Variants in G3BP2 observed in about 807,000 individuals in gnomAD.
G3BP2 encodes the protein ras GTPase-activating protein-binding protein 2.
G3BP2 carries 11 observed loss-of-function variants against 56.7 expected under a neutral mutation model. The ratio of observed to expected loss-of-function variants is 0.19; its 90% CI spans 0.12 to 0.32. The LOEUF is 0.32. Among genes scored for constraint, G3BP2 ranks in the 10% least tolerant of loss-of-function variants. The pLI is 1.00. For synonymous variants in G3BP2, 165 were observed against 191.6 expected (o/e 0.86, Z 1.15); for missense variants, 340 against 610.9 (o/e 0.56, Z 4.67).
chr4:75,649,942 C>T (rs905442778), intron 8 of G3BP2, among the ~76,000 whole-genome samples: 3 of 151,862 alleles, frequency 2.0e-5, no homozygotes, highest in South Asian at 2.1e-4. Flanking sequence ...ACCCGGAAGA[C>T]GGAGGTTGCA....
At chr4:75,670,286 T>C (rs1733383268) in intron 1 of G3BP2, 1 of 152,204 alleles carries the variant, frequency 6.6e-6, no homozygotes. Context: ...GCTAAATGCA[T>C]ATTAATACTG....
chr4:75,681,050 C>T (rs1240028182), intron 3 of G3BP2, among the ~76,000 whole-genome samples: 11 of 150,582 alleles, frequency 7.3e-5, no homozygotes, highest in Admixed American at 2.7e-4. Context: ...TTCAGCCAGG[C>T]GTGGTGGCTC....
At chr4:75,678,614 A>C (rs774437405) in intron 3 of G3BP2, among the ~76,000 whole-genome samples, 3 of 152,208 alleles carry the variant, frequency 2.0e-5, no homozygotes, top group Non-Finnish European at 2.9e-5. Context: ...CAGGAGTTTG[A>C]GTTCAGCCTG....
At chr4:75,705,041 AT>A (rs891192511) in intron 3 of G3BP2, among the ~76,000 whole-genome samples, 20 of 150,258 alleles carry the variant, frequency 1.3e-4, no homozygotes, top group Non-Finnish European at 2.2e-4. Flanking sequence ...AAACATTGAG[AT>A]TTTTTTTTTA....
At chr4:75,678,338 G>A (rs1407443133), upstream of G3BP2, among the ~76,000 whole-genome samples, 1 of 132,240 alleles carries the variant, frequency 7.6e-6, no homozygotes, top group Non-Finnish European at 1.6e-5. Context: ...GTGTGTGTGT[G>A]TGTACACAGG....
intron 1 of G3BP2, among the ~76,000 whole-genome samples, chr4:75,668,803 T>C (rs1483356646): frequency 6.6e-6 from 1 of 152,208 alleles, no homozygotes; most frequent in Non-Finnish European, 1.5e-5. Flanking sequence ...TGAAAATCTT[T>C]CTACTCCTAC....
At chr4:75,652,311 G>T (rs1034538844) in intron 8 of G3BP2, among the ~76,000 whole-genome samples, 3 of 152,168 alleles carry the variant, frequency 2.0e-5, no homozygotes, top group Admixed American at 2.0e-4. Flanking sequence ...CTGCAGCAAG[G>T]TGCTGGAGAA....
chr4:75,704,709 G>A (rs1719477855), intron 3 of G3BP2, among the ~76,000 whole-genome samples: 1 of 151,586 alleles, frequency 6.6e-6, no homozygotes, highest in African/African-American at 2.4e-5. Flanking sequence ...CTCGGCTAAC[G>A]GCAACCTCCA....
At chr4:75,674,374 T>G (rs1353329830), upstream of G3BP2, among the ~76,000 whole-genome samples, 1 of 152,168 alleles carries the variant, frequency 6.6e-6, no homozygotes, top group East Asian at 1.9e-4. Flanking sequence ...CGCAATCCTG[T>G]AAGGGCAATT....
chr4:75,695,439 T>G (rs1286810140), intron 3 of G3BP2, among the ~76,000 whole-genome samples: 2 of 152,030 alleles, frequency 1.3e-5, no homozygotes, highest in African/African-American at 4.8e-5. Context: ...GGCTAAGAAG[T>G]CTAAGGTAAG....
chr4:75,673,621 A>C, upstream of G3BP2: 7 of 1,230,946 alleles, frequency 5.7e-6, no homozygotes, highest in Non-Finnish European at 7.1e-6. Flanking sequence ...GCCTAAAGCC[A>C]AGATAAGAGT....
intron 3 of G3BP2, among the ~76,000 whole-genome samples, chr4:75,712,120 A>G (rs1719782228): frequency 1.3e-5 from 2 of 152,174 alleles, no homozygotes; most frequent in Non-Finnish European, 2.9e-5. Flanking sequence ...ATCATTATAC[A>G]TTGTATACAT....
chr4:75,723,228 A>C (rs978946601), intron 1 of G3BP2, among the ~76,000 whole-genome samples: 1 of 152,216 alleles, frequency 6.6e-6, no homozygotes, highest in Non-Finnish European at 1.5e-5. Context: ...GCAGGAGCTA[A>C]ATCATAACAG....
intron 11 of G3BP2, among the ~76,000 whole-genome samples, chr4:75,645,956 G>A (rs1379083882): frequency 6.6e-6 from 1 of 152,034 alleles, no homozygotes; most frequent in African/African-American, 2.4e-5. Flanking sequence ...GATTATAGGT[G>A]TCTACCACCA....
intron 3 of G3BP2, among the ~76,000 whole-genome samples, chr4:75,698,306 G>A (rs534362441): frequency 5.8e-4 from 89 of 152,296 alleles, no homozygotes; most frequent in African/African-American, 2.0e-3. Context: ...TGGCTCTGAA[G>A]ACGAAGGAAG....
intron 11 of G3BP2, 90 bp from the exon 12 acceptor site, chr4:75,645,792 G>A: frequency 8.4e-7 from 1 of 1,193,926 alleles, no homozygotes; most frequent in South Asian, 1.4e-5. Context: ...ATAAGCATAA[G>A]GAATAAAACA....
intron 3 of G3BP2, among the ~76,000 whole-genome samples, chr4:75,720,362 C>T (rs1231307361): frequency 2.6e-5 from 4 of 151,638 alleles, no homozygotes; most frequent in African/African-American, 9.7e-5. Flanking sequence ...ATTAGCCGGG[C>T]GCGGTGGCGG....
At chr4:75,677,730 T>C (rs1380264110), upstream of G3BP2, among the ~76,000 whole-genome samples, 1 of 152,226 alleles carries the variant, frequency 6.6e-6, no homozygotes, top group Non-Finnish European at 1.5e-5. Flanking sequence ...TTACTCACCA[T>C]GTTTTTAAAC....
At chr4:75,645,863 G>C (rs1731176528) in intron 11 of G3BP2, among the ~76,000 whole-genome samples, 161 bp from the exon 12 acceptor site, 2 of 151,976 alleles carry the variant, frequency 1.3e-5, no homozygotes, top group Admixed American at 1.3e-4. Flanking sequence ...GCTGGTGACA[G>C]CCAGTGGCAC....
Sources: gnomAD v4.1 joint callset for allele counts (sites outside exome capture counted in the v4.1 genomes callset) on GRCh38, gnomAD v4.1.1 for gene constraint, MANE v1.5 for transcripts, NCBI Gene and HGNC (gene_info 2026-07-23, HGNC 2026-07-21) for gene names.